C4orf36: variants seen among roughly 807,000 people sequenced by gnomAD.
The protein encoded by C4orf36 is chromosome 4 open reading frame 36.
A neutral mutation model predicts 12.2 loss-of-function variants in C4orf36; 11 were observed. The ratio of observed to expected loss-of-function variants is 0.90; its 90% confidence interval spans 0.57 to 1.49. The LOEUF is 1.49. Among genes scored for constraint, C4orf36 ranks in the 40% most tolerant of loss-of-function variants. The probability of loss-of-function intolerance (pLI) is 0.00; values close to 1 mark genes in which losing one functional copy is unlikely to be tolerated. For synonymous variants in C4orf36, 54 were observed against 51.3 expected, an observed-to-expected ratio of 1.05 and a Z score of -0.22; for missense variants, 137 against 133.9, an observed-to-expected ratio of 1.02 and a Z score of -0.11.
At chr4:86,923,628 G>T in the C4orf36 span, among the ~76,000 whole-genome samples, 5 of 151,966 alleles carry the variant, frequency 3.3e-5, no homozygotes, top group Non-Finnish European at 7.4e-5. Context: ...ATGTGGTGGT[G>T]GCAGGCACCT....
the C4orf36 span, among the ~76,000 whole-genome samples, chr4:86,903,742 C>T: frequency 6.6e-6 from 1 of 152,164 alleles, no homozygotes; most frequent in Non-Finnish European, 1.5e-5. Context: ...CTGATTGGTC[C>T]ATTTTACAGA....
chr4:86,879,838 G>C (rs1309341954), intron 4 of C4orf36, among the ~76,000 whole-genome samples: 2 of 117,498 alleles, frequency 1.7e-5, no homozygotes, highest in Non-Finnish European at 3.4e-5. Flanking sequence ...ACTATAAGCA[G>C]TTTGTTTTGT....
At chr4:86,925,892 T>C in the C4orf36 span, 3 of 149,642 alleles carry the variant, frequency 2.0e-5, no homozygotes, top group Non-Finnish European at 4.5e-5. Flanking sequence ...TTTTTTTTTT[T>C]CTGAGACAGA....
chr4:86,884,321 T>TTTG (rs1491018116), intron 4 of C4orf36, among the ~76,000 whole-genome samples: 1 of 92,798 alleles, frequency 1.1e-5, no homozygotes, highest in Non-Finnish European at 2.3e-5. Context: ...TTTTTTTTTT[T>TTTG]TGAGACACGT....
chr4:86,927,684 C>T, the C4orf36 span, among the ~76,000 whole-genome samples: 91 of 152,060 alleles, frequency 6.0e-4, no homozygotes, highest in African/African-American at 2.1e-3. Flanking sequence ...CCTGCAATCC[C>T]AGCTACTCAG....
At chr4:86,905,218 CA>C in the C4orf36 span, among the ~76,000 whole-genome samples, 206 of 123,174 alleles carry the variant, frequency 1.7e-3, no homozygotes, top group Non-Finnish European at 2.0e-3. Flanking sequence ...ACTAAAAATA[CA>C]AAAAAAAAAA....
chr4:86,888,394 AG>A, intron 2 of C4orf36, 119 bp from the exon 3 acceptor site: 1 of 903,084 alleles, frequency 1.1e-6, no homozygotes. Context: ...TTATGGGTGG[AG>A]GGGGAGATGT....
the C4orf36 span, among the ~76,000 whole-genome samples, chr4:86,911,613 A>T: frequency 6.6e-6 from 1 of 152,188 alleles, no homozygotes; most frequent in African/African-American, 2.4e-5. Flanking sequence ...CTGGTGTTCC[A>T]GGTGAGAATA....
the C4orf36 span, among the ~76,000 whole-genome samples, chr4:86,903,588 G>T: frequency 1.4e-4 from 22 of 152,298 alleles, no homozygotes; most frequent in East Asian, 3.7e-3. Context: ...GGTGGCGCAG[G>T]CCCAAAGAGA....
the C4orf36 span, among the ~76,000 whole-genome samples, chr4:86,931,768 G>A: frequency 1.3e-5 from 2 of 152,214 alleles, no homozygotes; most frequent in African/African-American, 2.4e-5. Flanking sequence ...AGGTGTGGTG[G>A]CTCACGCCTG....
chr4:86,923,220 G>A, the C4orf36 span, among the ~76,000 whole-genome samples: 1 of 151,530 alleles, frequency 6.6e-6, no homozygotes, highest in Non-Finnish European at 1.5e-5. Context: ...GCCTCCTGAG[G>A]AGCTGAGACT....
chr4:86,929,223 C>T, the C4orf36 span, among the ~76,000 whole-genome samples: 19 of 152,306 alleles, frequency 1.2e-4, no homozygotes, highest in Admixed American at 7.2e-4. Context: ...GTCCTCTGCT[C>T]GGGATCTCAC....
chr4:86,926,934 C>T, the C4orf36 span, among the ~76,000 whole-genome samples: 2 of 152,216 alleles, frequency 1.3e-5, no homozygotes, highest in Admixed American at 6.5e-5. Context: ...CTAACACCCA[C>T]TTTTGTAAAT....
At chr4:86,912,904 G>A in the C4orf36 span, among the ~76,000 whole-genome samples, 1 of 148,268 alleles carries the variant, frequency 6.7e-6, no homozygotes, top group African/African-American at 2.5e-5. Context: ...TCTAGTTTTC[G>A]CTTTTCTTTT....
upstream of C4orf36, among the ~76,000 whole-genome samples, chr4:86,893,856 G>A (rs1409916865): frequency 6.7e-6 from 1 of 148,620 alleles, no homozygotes; most frequent in Non-Finnish European, 1.5e-5. Context: ...ACAGATTTTG[G>A]CCTGAATTTT....
intron 4 of C4orf36, among the ~76,000 whole-genome samples, chr4:86,883,352 A>T (rs1747093298): frequency 6.6e-6 from 1 of 152,236 alleles, no homozygotes. Flanking sequence ...ATAGTTTGGC[A>T]AGTAGTACAT....
At chr4:86,932,766 G>T in the C4orf36 span, among the ~76,000 whole-genome samples, 3 of 134,816 alleles carry the variant, frequency 2.2e-5, no homozygotes, top group African/African-American at 8.3e-5. Flanking sequence ...AGATTTATTT[G>T]GGGGGGTGGG....
At chr4:86,901,075 C>G in the C4orf36 span, among the ~76,000 whole-genome samples, 1 of 151,458 alleles carries the variant, frequency 6.6e-6, no homozygotes, top group Non-Finnish European at 1.5e-5. Context: ...ACCTCTGTCT[C>G]CTGGGTTCAA....
chr4:86,892,340 C>T lies in C4orf36; in HGVS notation c.-231G>A, dbSNP rs62305643. On this transcript the variant is annotated 5_prime_UTR_variant, in exon 1 of 5. It removes the in-frame stop codon of an upstream open reading frame in the 5' UTR. Coordinates refer to ENST00000295898, the MANE Select transcript of C4orf36 (RefSeq NM_144645.4). The stretch of plus-strand genomic sequence containing the variant: ...GGTACTGAGGTAAGAGCGCGCTGCG[C>T]TAAGCGCACATGGCCGCGCACACGC... The T allele has an allele frequency of 0.06, 59,498 of 985,484 alleles. 2,000 individuals are homozygous for T. The highest frequency in any genetic ancestry group is 0.067 in the Middle Eastern group (129 of 1,912). The allele number at this position is 985,484 out of a possible 1,614,324, so 61.0% of individuals were successfully genotyped here. A position where few individuals can be genotyped will look rare whatever the true frequency, so the allele number is the denominator to read the frequency against.
Sources: allele counts gnomAD v4.1 joint callset (sites outside exome capture counted in the v4.1 genomes callset), GRCh38; gene constraint gnomAD v4.1.1; transcripts MANE v1.5; gene names NCBI Gene and HGNC (gene_info 2026-07-23, HGNC 2026-07-21).